DGCR2: variants seen among roughly 807,000 people sequenced by gnomAD.
DGCR2 encodes integral membrane protein DGCR2/IDD.
In DGCR2, 24 loss-of-function variants were observed where a neutral mutation model predicts 51.6. The observed-to-expected ratio is 0.47, with a 90% CI of 0.34 to 0.65. DGCR2 has a LOEUF of 0.65. Ranked by LOEUF, DGCR2 falls within the 30% of genes least tolerant of loss-of-function variation. The probability of loss-of-function intolerance (pLI) is 0.01; values close to 1 mark genes in which losing one functional copy is unlikely to be tolerated. For missense variants in DGCR2, 765 were observed against 772.1 expected (o/e 0.99, Z 0.11); for synonymous variants, 340 against 315.4 (o/e 1.08, Z -0.82).
intron 2 of DGCR2, among the ~76,000 whole-genome samples, chr22:19,080,642 C>T (rs574624894): frequency 6.6e-6 from 1 of 152,124 alleles, no homozygotes; most frequent in Non-Finnish European, 1.5e-5. Context: ...TCAAGACCAG[C>T]CTCAGCAACA....
chr22:19,054,192 T>C (rs1031761471), intron 6 of DGCR2, among the ~76,000 whole-genome samples: 3 of 152,024 alleles, frequency 2.0e-5, no homozygotes, highest in Non-Finnish European at 4.4e-5. Context: ...TGTGGGTACA[T>C]AAGAAAGTGT....
At chr22:19,056,621 G>C (rs573705000) in intron 6 of DGCR2, 92 of 383,210 alleles carry the variant, frequency 2.4e-4, no homozygotes, top group African/African-American at 1.7e-3. Context: ...GCAGAGAGAA[G>C]GATGGCAGAA....
Position 19,064,942 on chromosome 22 carries a change from G to C in DGCR2, c.454C>G (p.Leu152Val). 1 of 1,614,020 alleles carries C rather than the reference G, an allele frequency of 6.2e-7. No individual in the cohort carries two copies. Among genetic ancestry groups the C allele is most frequent in the Non-Finnish European group, 8.5e-7 (1 of 1,180,046 alleles). The stretch of plus-strand genomic sequence containing the variant: ...TCCTGGTCAGTGGAGAAGGTGGCGA[G>C]AGAGCCATTCAGGCGCTGGCAGGTC... ...AQTCQRLNGS[L>V]ATFSTDQELR... Residue 152 changes from leucine (L) to valine (V), a missense_variant, in exon 4 of 10, where the codon CTC (leucine) becomes GTC (valine). Leu to Val is a conservative substitution (Grantham distance 32). Transcript: ENST00000263196.
At chr22:19,103,707 C>A (rs1431607917) in intron 1 of DGCR2, among the ~76,000 whole-genome samples, 2 of 130,382 alleles carry the variant, frequency 1.5e-5, no homozygotes, top group African/African-American at 5.7e-5. Flanking sequence ...GGATTACAGG[C>A]GTGAGCCACC....
rs2082735486 is a variant in DGCR2, at chr22:19,065,245, C to A, written c.329-178G>T. On this transcript the variant is annotated intron_variant, in intron 3 of 9. Coordinates refer to ENST00000263196, the MANE Select transcript of DGCR2 (RefSeq NM_005137.3). ...ACATTGCAGAAATGCTCAAGTTTCT[C>A]TAAAACACAGATTCAATGATACAAG... 4 of 600,818 alleles carry A rather than the reference C, an allele frequency of 6.7e-6. No homozygotes were observed. The Middle Eastern group carries it at 1.2e-3, about 174-fold the overall frequency. The allele number at this position is 600,818 out of a possible 1,614,324, so 37.2% of individuals were successfully genotyped here. A position where few individuals can be genotyped will look rare whatever the true frequency, so the allele number is the denominator to read the frequency against.
chr22:19,084,704 G>A (rs377640441), intron 2 of DGCR2, among the ~76,000 whole-genome samples: 14,946 of 106,600 alleles, frequency 0.14, 2,053 homozygotes, highest in African/African-American at 0.3. Context: ...TGCCCCGTCC[G>A]GGAGGGAGGT....
intron 2 of DGCR2, 133 bp downstream of exon 2, chr22:19,089,235 G>A (rs2083051067): frequency 1.5e-5 from 15 of 1,014,420 alleles, no homozygotes; most frequent in Non-Finnish European, 2.0e-5. Flanking sequence ...CAGAGAGAGA[G>A]GAAGGGGTCG....
intron 2 of DGCR2, among the ~76,000 whole-genome samples, chr22:19,081,273 T>G (rs187620780): frequency 6.6e-6 from 1 of 152,378 alleles, no homozygotes; most frequent in East Asian, 1.9e-4. Context: ...CCCAGTCTTA[T>G]ATCCCTCTGT....
At chr22:19,041,581 T>A in intron 8 of DGCR2, 1 of 609,694 alleles carries the variant, frequency 1.6e-6, no homozygotes, top group Non-Finnish European at 2.9e-6. Flanking sequence ...TCCGGGCCTC[T>A]GACCCTCAGA....
At chr22:19,118,398 A>AAAG (rs2083396144) in intron 1 of DGCR2, among the ~76,000 whole-genome samples, 1 of 144,844 alleles carries the variant, frequency 6.9e-6, no homozygotes, top group African/African-American at 2.5e-5. Context: ...AAAAAAAAAA[A>AAAG]CAACTCTGGA....
chr22:19,096,257 A>G (rs1431668575), intron 1 of DGCR2, among the ~76,000 whole-genome samples: 1 of 152,242 alleles, frequency 6.6e-6, no homozygotes, highest in Middle Eastern at 3.2e-3. Context: ...CAGAAAGACA[A>G]ACTTCACATG....
Position 19,057,083 on chromosome 22 carries a change from C to T in DGCR2, c.705G>A (p.Gln235=). The T allele has an allele frequency of 1.2e-6, 2 of 1,605,240 alleles. No individual in the cohort carries two copies. The highest frequency in any genetic ancestry group is 1.7e-6 in the Non-Finnish European group (2 of 1,176,070). The change falls in exon 6 of 10, where the codon CAG becomes CAA. Residue 235 remains glutamine (Q), a synonymous_variant. Coordinates refer to ENST00000263196, the MANE Select transcript of DGCR2 (RefSeq NM_005137.3). The surrounding 1 kb of genome is among the most constrained non-coding windows in gnomAD (Gnocchi z 5.1). ...MSENDNVFCA[Q]LQCFHFPTLR... is the part of the protein sequence containing the mutation. ...GGGTGGGGAAATGGAAGCACTGAAGCTGGGCACAGAACACGTTGTCGTTCT... is the reference window on the plus strand; with the variant it reads ...GGGTGGGGAAATGGAAGCACTGAAGTTGGGCACAGAACACGTTGTCGTTCT...
intron 7 of DGCR2, among the ~76,000 whole-genome samples, chr22:19,044,192 A>G (rs1321601048): frequency 1.3e-5 from 2 of 152,182 alleles, no homozygotes; most frequent in East Asian, 3.9e-4. Context: ...GAACCAAGCC[A>G]CTTGTAGTCA....
At chr22:19,063,819 G>A (rs1009580455) in intron 4 of DGCR2, among the ~76,000 whole-genome samples, 7 of 152,112 alleles carry the variant, frequency 4.6e-5, no homozygotes, top group Admixed American at 2.0e-4. Flanking sequence ...TCTTATTCTT[G>A]GTAGACATGA....
intron 2 of DGCR2, among the ~76,000 whole-genome samples, chr22:19,083,748 A>C (rs1421060637): frequency 9.6e-6 from 1 of 103,646 alleles, no homozygotes. Flanking sequence ...CTCTCTTTCC[A>C]CGGTCTCCCT....
Position 19,068,126 on chromosome 22 carries a change from T to G in DGCR2, c.302A>C (p.Asn101Thr). 2 of 1,604,032 alleles carry G rather than the reference T, an allele frequency of 1.2e-6. No individual in the cohort carries two copies. The highest frequency in any genetic ancestry group is 2.2e-5 in the South Asian group (2 of 90,008). Reference protein sequence around the residue: ...GGDPSHFHAVNVAQPVRFSSF... With the variant: ...GGDPSHFHAVTVAQPVRFSSF... ...GCTGAAGCGAACGGGCTGCGCCACG[T>G]TCACCGCGTGGAAGTGCGAAGGGTC... Residue 101 changes from asparagine to threonine, a missense_variant, in exon 3 of 10, where the codon AAC becomes ACC. This residue lies in a region of DGCR2 where 370 missense variants were observed against 325.5 expected (regional missense o/e 1.14). Transcript: ENST00000263196.
intron 1 of DGCR2, among the ~76,000 whole-genome samples, chr22:19,113,916 G>A (rs542499249): frequency 2.6e-4 from 39 of 151,876 alleles, no homozygotes; most frequent in African/African-American, 8.2e-4. Context: ...AAAATTAGCC[G>A]GGCATGGTGG....
chr22:19,089,118 T>G (rs949554438), intron 2 of DGCR2, among the ~76,000 whole-genome samples: 1 of 152,190 alleles, frequency 6.6e-6, no homozygotes, highest in Non-Finnish European at 1.5e-5. Context: ...AGCGCCTCCT[T>G]AAGTGGAGCC....
chr22:19,064,346 G>A (rs1392534766), intron 4 of DGCR2, among the ~76,000 whole-genome samples: 2 of 152,230 alleles, frequency 1.3e-5, no homozygotes, highest in South Asian at 4.1e-4. Flanking sequence ...CTTTGTAGCT[G>A]CAGAAGGAAA....
Sources: gnomAD v4.1 joint callset for allele counts (sites outside exome capture counted in the v4.1 genomes callset) on GRCh38, gnomAD v4.1.1 for gene constraint, gnomAD v4.1.1 regional missense constraint, Gnocchi (gnomAD v3.1) non-coding constraint, MANE v1.5 for transcripts, NCBI Gene and HGNC (gene_info 2026-07-23, HGNC 2026-07-21) for gene names.